Variants in FAM193A observed in about 807,000 individuals in gnomAD.
The protein encoded by FAM193A is protein FAM193A.
FAM193A carries 22 observed loss-of-function variants against 126.5 expected under a neutral mutation model. The observed-to-expected ratio is 0.17, with a 90% confidence interval of 0.12 to 0.25. The LOEUF (loss-of-function observed/expected upper bound fraction) is 0.25, where lower values mean the gene tolerates loss of function less well. Ranked by LOEUF, FAM193A falls within the 10% of genes least tolerant of loss-of-function variation. The pLI, the probability that FAM193A is intolerant of heterozygous loss-of-function variation, is 1.00. For missense variants in FAM193A, 1,675 were observed against 1,672.8 expected, an observed-to-expected ratio of 1.00 and a Z score of -0.02; for synonymous variants, 761 against 646.8, an observed-to-expected ratio of 1.18 and a Z score of -2.68.
intron 2 of FAM193A, among the ~76,000 whole-genome samples, chr4:2,618,976 C>T (rs907856814): frequency 5.3e-5 from 8 of 152,156 alleles, no homozygotes; most frequent in African/African-American, 7.2e-5. Flanking sequence ...AGGTGATCCA[C>T]CTGCCTTGGC....
intron 5 of FAM193A, among the ~76,000 whole-genome samples, chr4:2,638,697 T>C (rs1024662225): frequency 2.0e-5 from 3 of 152,182 alleles, no homozygotes; most frequent in South Asian, 2.1e-4. Context: ...TCTCCAAATG[T>C]GTTTATAGGT....
At chr4:2,607,990 C>T (rs1741644019) in intron 2 of FAM193A, 1 of 1,581,626 alleles carries the variant, frequency 6.3e-7, no homozygotes, top group Admixed American at 1.9e-5. Context: ...CAGCCACTCA[C>T]CACAGCCCCT....
chr4:2,599,369 G>A (rs1741060238), intron 2 of FAM193A, among the ~76,000 whole-genome samples: 1 of 152,098 alleles, frequency 6.6e-6, no homozygotes, highest in South Asian at 2.1e-4. Context: ...GCTCTCTGAT[G>A]GCCCAGAGAT....
In FAM193A at chr4:2,696,557, G is replaced by A. The variant is rs773744003; in HGVS notation, c.3471G>A (p.Thr1157=). The A allele has an allele frequency of 1.3e-5, 21 of 1,614,104 alleles. No homozygotes were observed. In the East Asian group the frequency reaches 1.6e-4, roughly 12 times the overall value. The change falls in exon 18 of 21, where the codon ACG becomes ACA. Residue 1157 remains threonine (T), a synonymous_variant. Coordinates refer to ENST00000637812, the MANE Select transcript of FAM193A (RefSeq NM_001366318.2). ...CCGAAACCAAACCAGTGAGCAGCACGCGTGCAGCGAAGCGAGCAAGGCATA... is the reference window on the plus strand; with the variant it reads ...CCGAAACCAAACCAGTGAGCAGCACACGTGCAGCGAAGCGAGCAAGGCATA... ...NSSETKPVSS[T]RAAKRARHKQ... is the part of the protein sequence containing the mutation.
intron 1 of FAM193A, among the ~76,000 whole-genome samples, chr4:2,561,408 C>T (rs143981496): frequency 0.051 from 7,728 of 151,972 alleles, 292 homozygotes; most frequent in Non-Finnish European, 0.08. Flanking sequence ...CTCTCAAACT[C>T]CTGCCCTTAA....
intron 6 of FAM193A, among the ~76,000 whole-genome samples, chr4:2,643,547 A>G (rs891005226): frequency 6.6e-6 from 1 of 152,056 alleles, no homozygotes. Context: ...CAGTAACTCT[A>G]CCATTAAACA....
chr4:2,657,893 A>AT lies in FAM193A; in HGVS notation c.1389+14dup. 6.4e-7 allele frequency: 1 copy of AT among 1,563,870 alleles called. No homozygotes were observed. ...CATTGAAGAACAGGTAAGCTTGTCA[A>AT]TAAGAGAGGCAATTAAAGGAAGTAG... On this transcript the variant is annotated intron_variant, in intron 8 of 20. Transcript: ENST00000637812.
chr4:2,642,057 G>A (rs539739205), intron 6 of FAM193A, among the ~76,000 whole-genome samples: 6 of 151,094 alleles, frequency 4.0e-5, no homozygotes, highest in African/African-American at 1.5e-4. Flanking sequence ...TTGGGAGGTC[G>A]AGGCGGGCAG....
At chr4:2,725,023 C>G (rs894207822) in intron 20 of FAM193A, among the ~76,000 whole-genome samples, 1 of 151,892 alleles carries the variant, frequency 6.6e-6, no homozygotes, top group African/African-American at 2.4e-5. Flanking sequence ...ATTACAGGCA[C>G]CCACCACCAT....
chr4:2,730,948 G>A (rs1021803906), intron 20 of FAM193A, among the ~76,000 whole-genome samples: 1 of 152,106 alleles, frequency 6.6e-6, no homozygotes, highest in Admixed American at 6.5e-5. Flanking sequence ...TGTAATCCCA[G>A]CACTTTGGGA....
At chr4:2,554,399 T>C (rs868050162) in intron 1 of FAM193A, among the ~76,000 whole-genome samples, 1 of 152,194 alleles carries the variant, frequency 6.6e-6, no homozygotes, top group South Asian at 2.1e-4. Context: ...TATCTCTCTA[T>C]TACTGAATTT....
intron 1 of FAM193A, among the ~76,000 whole-genome samples, chr4:2,549,395 CTT>C (rs869161808): frequency 6.5e-5 from 8 of 122,640 alleles, no homozygotes; most frequent in East Asian, 2.2e-4. Flanking sequence ...TTCTTTTTTT[CTT>C]TTTTTTTTTT....
intron 15 of FAM193A, among the ~76,000 whole-genome samples, chr4:2,691,909 TAA>T (rs1370075581): frequency 6.6e-6 from 1 of 152,108 alleles, no homozygotes; most frequent in East Asian, 1.9e-4. Flanking sequence ...ACACCTCCTC[TAA>T]ATGTGTAAGA....
intron 2 of FAM193A, among the ~76,000 whole-genome samples, chr4:2,620,492 C>G (rs1387958255): frequency 6.6e-6 from 1 of 152,144 alleles, no homozygotes; most frequent in Non-Finnish European, 1.5e-5. Context: ...GATGGGTAAG[C>G]TAGAGCTCAG....
chr4:2,672,221 A>C lies in FAM193A; in HGVS notation c.2180A>C (p.His727Pro), dbSNP rs1371413738. 3 of 1,614,088 alleles carry C rather than the reference A, an allele frequency of 1.9e-6. No individual in the cohort carries two copies. The highest frequency in any genetic ancestry group is 2.5e-6 in the Non-Finnish European group (3 of 1,180,050). The change falls in exon 13 of 21, where the codon CAT (histidine) becomes CCT (proline). Residue 727 changes from histidine (H) to proline (P), a missense_variant. Transcript: ENST00000637812. ...AMTAGALPPG[H>P]QFLSPEKPTH... is the part of the protein sequence containing the mutation. Reference sequence around the variant, plus strand: ...ACAGCCGGAGCCCTTCCTCCTGGCCATCAGTTCTTGAGCCCAGAGAAGCCC... The same window carrying C: ...ACAGCCGGAGCCCTTCCTCCTGGCCCTCAGTTCTTGAGCCCAGAGAAGCCC...
chr4:2,716,157 T>C, intron 20 of FAM193A, 53 bp downstream of exon 20: 1 of 1,210,834 alleles, frequency 8.3e-7, no homozygotes, highest in Non-Finnish European at 1.2e-6. Context: ...TTGCCATACA[T>C]GTTTGGTTTT....
rs1048656340 is a variant in FAM193A, at chr4:2,540,519, C to G, written c.255+3349C>G. Among the ~76,000 whole-genome samples the G allele has an allele frequency of 2.9e-5, 4 of 139,238 alleles. No individual in the cohort carries two copies. In the Admixed American group the frequency reaches 2.9e-4, roughly 10 times the overall value. The allele number at this position is 139,238 out of a possible 152,430, so 91.3% of individuals were successfully genotyped here. On this transcript the variant is annotated intron_variant, in intron 1 of 20. Coordinates refer to ENST00000637812, the MANE Select transcript of FAM193A (RefSeq NM_001366318.2). ...AAAATTAGCCAGGCGTGGTGGCGGGCGCCCTGTAGTCCCAGCTACTCCGGA... is the reference window on the plus strand; with the variant it reads ...AAAATTAGCCAGGCGTGGTGGCGGGGGCCCTGTAGTCCCAGCTACTCCGGA...
Position 2,700,080 on chromosome 4 carries a change from G to A in FAM193A, c.3908G>A (p.Arg1303Lys). The A allele has an allele frequency of 6.2e-7, 1 of 1,613,942 alleles. No homozygotes were observed. The highest frequency in any genetic ancestry group is 1.1e-5 in the South Asian group (1 of 91,066). The stretch of plus-strand genomic sequence containing the variant: ...GATGCTGCAGACCCCGTCGACACCA[G>A]AGACTCCAAATTTCTCCTCCCCAAG... Reference protein sequence around the residue: ...DGDAADPVDTRDSKFLLPKEV... With the variant: ...DGDAADPVDTKDSKFLLPKEV... The change falls in exon 19 of 21, where the codon AGA (arginine) becomes AAA (lysine). Residue 1303 changes from arginine (R) to lysine (K), a missense_variant. Around this residue, in one of 4 missense-constraint regions of FAM193A, gnomAD observed 415 missense variants for 396.7 expected, o/e 1.05. Coordinates refer to ENST00000637812, the MANE Select transcript of FAM193A (RefSeq NM_001366318.2).
chr4:2,603,345 C>T (rs1741327916), intron 2 of FAM193A, among the ~76,000 whole-genome samples: 2 of 149,330 alleles, frequency 1.3e-5, no homozygotes, highest in Non-Finnish European at 1.5e-5. Flanking sequence ...AGTTCAATGG[C>T]GTGATTTCGG....
Sources: allele counts gnomAD v4.1 joint callset (sites outside exome capture counted in the v4.1 genomes callset), GRCh38; gene constraint gnomAD v4.1.1; regional missense constraint gnomAD v4.1.1; transcripts MANE v1.5; gene names NCBI Gene and HGNC (gene_info 2026-07-23, HGNC 2026-07-21).